KRT72: variants seen among roughly 807,000 people sequenced by gnomAD.
KRT72 encodes keratin 72.
In KRT72, 44 loss-of-function variants were observed where a neutral mutation model predicts 44.7. The observed-to-expected ratio is 0.98, with a 90% confidence interval of 0.77 to 1.27. KRT72 has a LOEUF of 1.27. Among genes scored for constraint, KRT72 ranks in the 50% most tolerant of loss-of-function variants. The pLI is 0.00. For missense variants in KRT72, 736 were observed against 667.1 expected (o/e 1.10, Z -1.14); for synonymous variants, 302 against 280.4 (o/e 1.08, Z -0.77).
chr12:52,599,310 G>A (rs1464587597), intron 1 of KRT72, 198 bp from the exon 2 acceptor site: 3 of 654,276 alleles, frequency 4.6e-6, no homozygotes, highest in Non-Finnish European at 8.4e-6. Flanking sequence ...GGTCTATATG[G>A]AATCAGGAAG....
At chr12:52,590,793 G>T in intron 6 of KRT72, 43 bp downstream of exon 6, 1 of 1,531,692 alleles carries the variant, frequency 6.5e-7, no homozygotes, top group South Asian at 1.3e-5. Flanking sequence ...CCCAGATTGT[G>T]ACTCAATAAA....
At chr12:52,594,700 T>C (rs1297253392) in intron 2 of KRT72, among the ~76,000 whole-genome samples, 2 of 152,150 alleles carry the variant, frequency 1.3e-5, no homozygotes, top group African/African-American at 2.4e-5. Flanking sequence ...TGTATACATA[T>C]GTAGCAAACC....
Position 52,587,845 on chromosome 12 carries a change from C to A in KRT72, c.1096G>T (p.Asp366Tyr). Reference sequence around the variant, plus strand: ...GCGTCGGCGATGGCCGTCTCCAGATCGGCACACTGAGGGGCAAACAGATCC... The same window carrying A: ...GCGTCGGCGATGGCCGTCTCCAGATAGGCACACTGAGGGGCAAACAGATCC... ...EIGNVKKQCA[D>Y]LETAIADAEQ... Residue 366 changes from aspartate (D) to tyrosine (Y), a missense_variant, in exon 7 of 9, where the codon GAT (aspartate) becomes TAT (tyrosine). By Grantham distance (160) the Asp-to-Tyr change is radical. Coordinates refer to ENST00000293745, the MANE Select transcript of KRT72 (RefSeq NM_080747.3). 6.2e-7 allele frequency: 1 copy of A among 1,613,772 alleles called. No individual in the cohort carries two copies. Among genetic ancestry groups the A allele is most frequent in the Non-Finnish European group, 8.5e-7 (1 of 1,179,828 alleles).
At chr12:52,601,473 G>A, upstream of KRT72, 2 of 1,531,750 alleles carry the variant, frequency 1.3e-6, no homozygotes, top group Non-Finnish European at 1.7e-6. Flanking sequence ...TACCGGTGCT[G>A]GCCGCGCGGG....
intron 5 of KRT72, 74 bp from the exon 6 acceptor site, chr12:52,591,035 A>T: frequency 1.4e-6 from 2 of 1,390,164 alleles, no homozygotes; most frequent in Non-Finnish European, 1.9e-6. Flanking sequence ...TCTTCTGGAC[A>T]GAAAGGATCC....
chr12:52,601,527 C>T (rs140700910), upstream of KRT72: 23 of 1,461,886 alleles, frequency 1.6e-5, no homozygotes, highest in Middle Eastern at 2.2e-4. Flanking sequence ...CGGCCCAGCT[C>T]GCCCCTTAAA....
intron 1 of KRT72, 108 bp from the exon 2 acceptor site, chr12:52,599,220 G>A (rs2120810854): frequency 1.9e-6 from 2 of 1,029,826 alleles, no homozygotes; most frequent in Non-Finnish European, 3.0e-6. Flanking sequence ...ACTGGGGGTA[G>A]GAGAAAACAA....
In KRT72 at chr12:52,587,786, G is replaced by A. The variant is rs1400272073; in HGVS notation, c.1155C>T (p.Ala385=). ...CCTCCAGCTCATCCAGCTTGGCCCG[G>A]GCATCTTTCAGGGCGCAGTCCCCCC... ...EQRGDCALKD[A]RAKLDELEGA... Residue 385 remains alanine, a synonymous_variant, in exon 7 of 9, where the codon GCC becomes GCT. Coordinates refer to ENST00000293745, the MANE Select transcript of KRT72 (RefSeq NM_080747.3). 9.3e-6 allele frequency: 15 copies of A among 1,614,054 alleles called. No homozygotes were observed. Among genetic ancestry groups the A allele is most frequent in the African/African-American group, 1.3e-5 (1 of 74,924 alleles).
At position 52,601,126 on chromosome 12, in the gene KRT72, CG is replaced by C; in HGVS notation, c.326del (p.Pro109ArgfsTer24). 6.2e-7 allele frequency: 1 copy of C among 1,613,316 alleles called. No individual in the cohort carries two copies. Among genetic ancestry groups the C allele is most frequent in the Non-Finnish European group, 8.5e-7 (1 of 1,179,740 alleles). ...QVTVNKSLLA[P>X]LNVEMDPEIQ... ...TCTCGGGGTCCATCTCCACGTTGAG[CG>C]GGGCCAGGAGGCTCTTGTTGACGGT... On this transcript the variant is annotated frameshift_variant, in exon 1 of 9. Coordinates refer to ENST00000293745, the MANE Select transcript of KRT72 (RefSeq NM_080747.3). LOFTEE classifies it high-confidence loss of function.
At chr12:52,593,024 G>T in intron 2 of KRT72, 72 bp from the exon 3 acceptor site, 1 of 1,411,660 alleles carries the variant, frequency 7.1e-7, no homozygotes, top group Non-Finnish European at 9.8e-7. Context: ...CCACCTCTGT[G>T]CTGAGAGCTG....
intron 2 of KRT72, among the ~76,000 whole-genome samples, chr12:52,595,949 A>C (rs1940214762): frequency 6.6e-6 from 1 of 152,236 alleles, no homozygotes; most frequent in Non-Finnish European, 1.5e-5. Context: ...GAAGGATTTG[A>C]ATTGTCAGCT....
intron 2 of KRT72, among the ~76,000 whole-genome samples, chr12:52,595,751 C>T (rs1034310067): frequency 6.6e-6 from 1 of 152,124 alleles, no homozygotes; most frequent in African/African-American, 2.4e-5. Context: ...CCAGTTCTTT[C>T]TGATCCATTG....
intron 1 of KRT72, 99 bp from the exon 2 acceptor site, chr12:52,599,211 C>T: frequency 8.8e-7 from 1 of 1,142,106 alleles, no homozygotes; most frequent in East Asian, 2.5e-5. Flanking sequence ...TCCTGGGGGA[C>T]TGGGGGTAGG....
rs1446045670 is a variant in KRT72 at position 52,601,425 on chromosome 12, G to C, written c.28C>G (p.Arg10Gly). 1.9e-6 allele frequency: 3 copies of C among 1,538,896 alleles called. No individual in the cohort carries two copies. In the South Asian group the frequency reaches 3.6e-5, roughly 18 times the overall value. Residue 10 changes from arginine (R) to glycine (G), a missense_variant, in exon 1 of 9, where the codon CGC becomes GGC. Coordinates refer to ENST00000293745, the MANE Select transcript of KRT72 (RefSeq NM_080747.3). The part of the protein sequence containing the change: MSRQLTHFP[R>G]GERLGFSGCS... ...CCGCTGAAGCCCAGGCGCTCCCCGCGGGGGAAATGGGTCAGTTGGCGGCTC... is the reference window on the plus strand; with the variant it reads ...CCGCTGAAGCCCAGGCGCTCCCCGCCGGGGAAATGGGTCAGTTGGCGGCTC...
At chr12:52,593,038 G>C in intron 2 of KRT72, 86 bp from the exon 3 acceptor site, 1 of 1,268,592 alleles carries the variant, frequency 7.9e-7, no homozygotes, top group Non-Finnish European at 1.1e-6. Context: ...AGAGCTGCAG[G>C]GTGGGGGTCT....
At chr12:52,588,499 G>A (rs948832644) in intron 6 of KRT72, among the ~76,000 whole-genome samples, 12 of 152,248 alleles carry the variant, frequency 7.9e-5, no homozygotes, top group Middle Eastern at 3.4e-3. Context: ...GGAGCCTGTT[G>A]GCAGGTGGAG....
At chr12:52,598,392 C>G (rs1265917208) in intron 2 of KRT72, among the ~76,000 whole-genome samples, 1 of 152,240 alleles carries the variant, frequency 6.6e-6, no homozygotes, top group Non-Finnish European at 1.5e-5. Context: ...TGATTTATTA[C>G]TGTCTCATAT....
In KRT72 at chr12:52,592,509, T is replaced by C; in HGVS notation, c.703-18A>G. ...TCCACGTCCTGGGAGCACATGATAGTCAAGCCGCCCTGAGAGGGCCTCCCC... is the reference window on the plus strand; with the variant it reads ...TCCACGTCCTGGGAGCACATGATAGCCAAGCCGCCCTGAGAGGGCCTCCCC... On this transcript the variant is annotated intron_variant, in intron 3 of 8. Transcript: ENST00000293745. 6.2e-6 allele frequency: 10 copies of C among 1,605,136 alleles called. No homozygotes were observed. The highest frequency in any genetic ancestry group is 8.5e-6 in the Non-Finnish European group (10 of 1,172,678).
upstream of KRT72, among the ~76,000 whole-genome samples, chr12:52,602,038 A>T (rs1940489809): frequency 6.6e-6 from 1 of 152,094 alleles, no homozygotes; most frequent in Non-Finnish European, 1.5e-5. Context: ...GTCTGCAGAG[A>T]CCTCTCAGTC....
Sources: allele counts gnomAD v4.1 joint callset (sites outside exome capture counted in the v4.1 genomes callset), GRCh38; gene constraint gnomAD v4.1.1; transcripts MANE v1.5; gene names NCBI Gene and HGNC (gene_info 2026-07-23, HGNC 2026-07-21).